The following TOMM20 variants were observed in gnomAD, a reference collection of about 807,000 sequenced individuals.
TOMM20 encodes translocase of outer mitochondrial membrane 20.
Under a neutral mutation model 22.1 loss-of-function variants are expected in TOMM20, and 10 were observed. That is an observed-to-expected ratio of 0.45 (90% CI 0.28 to 0.77). The LOEUF is 0.77. TOMM20 is among the 30% of genes least tolerant of loss of function. The pLI, the probability that TOMM20 is intolerant of heterozygous loss-of-function variation, is 0.13. For synonymous variants in TOMM20, 55 were observed against 61.4 expected (o/e 0.90, Z 0.49); for missense variants, 121 against 172.2 (o/e 0.70, Z 1.66).
At position 235,128,634 on chromosome 1, in the gene TOMM20, T is replaced by C; in HGVS notation, c.82A>G (p.Arg28Gly). 6.2e-7 allele frequency: 1 copy of C among 1,613,672 alleles called. No homozygotes were observed. Among genetic ancestry groups the C allele is most frequent in the Non-Finnish European group, 8.5e-7 (1 of 1,179,952 alleles). ...TTCTTGAAGTTGGGGTCACTTCGTC[T>C]TTTGCGGTCGAAGTAGATGCAGTAC... The part of the protein sequence containing the change: ...IGYCIYFDRK[R>G]RSDPNFKNRL... The change falls in exon 1 of 5, where the codon AGA (arginine) becomes GGA (glycine). Residue 28 changes from arginine to glycine, a missense_variant. Transcript: ENST00000366607.
At position 235,113,998 on chromosome 1, in the gene TOMM20, G is replaced by A. The variant is rs1403601522; in HGVS notation, c.251-88C>T. 4.3e-6 allele frequency: 6 copies of A among 1,404,388 alleles called. No homozygotes were observed. The East Asian group carries it at 7.1e-5, about 17-fold the overall frequency. 87.0% of individuals were successfully genotyped at this position (1,404,388 alleles called of 1,614,324 possible). ...TTACACACTATCTCCAAATGATGCT[G>A]ACCAAAAACACTAAGCAAGTAAAAT... On this transcript the variant is annotated intron_variant, in intron 3 of 4. Transcript: ENST00000366607.
chr1:235,113,062 T>C (rs1660765786), intron 4 of TOMM20, among the ~76,000 whole-genome samples: 2 of 152,154 alleles, frequency 1.3e-5, no homozygotes, highest in African/African-American at 4.8e-5. Context: ...ATACTTCCTA[T>C]CATCATTCAC....
intron 1 of TOMM20, among the ~76,000 whole-genome samples, chr1:235,126,579 C>G (rs1279585662): frequency 1.3e-5 from 2 of 151,936 alleles, no homozygotes; most frequent in African/African-American, 4.8e-5. Context: ...CTGAGACGGG[C>G]AGATCATGAA....
chr1:235,113,425 T>A (rs925755440), intron 4 of TOMM20, among the ~76,000 whole-genome samples: 1 of 152,126 alleles, frequency 6.6e-6, no homozygotes, highest in Non-Finnish European at 1.5e-5. Context: ...CTCTGTCAGA[T>A]CACCTAACTG....
chr1:235,124,561 T>A (rs898086269), intron 1 of TOMM20, among the ~76,000 whole-genome samples: 7 of 152,176 alleles, frequency 4.6e-5, no homozygotes, highest in African/African-American at 1.7e-4. Context: ...GAAATGAACA[T>A]GCCAAGTTTG....
chr1:235,113,119 G>T (rs1429439535), intron 4 of TOMM20, among the ~76,000 whole-genome samples: 1 of 152,134 alleles, frequency 6.6e-6, no homozygotes, highest in Non-Finnish European at 1.5e-5. Context: ...TAACAGACAC[G>T]CTATTCCAAA....
intron 3 of TOMM20, among the ~76,000 whole-genome samples, chr1:235,117,178 A>C (rs1660849323): frequency 7.2e-6 from 1 of 138,922 alleles, no homozygotes; most frequent in Non-Finnish European, 1.5e-5. Flanking sequence ...GTAAGAATAG[A>C]CCAGGTGCAG....
At chr1:235,123,518 T>C (rs950319734) in intron 1 of TOMM20, among the ~76,000 whole-genome samples, 6 of 152,068 alleles carry the variant, frequency 3.9e-5, no homozygotes, top group Admixed American at 3.9e-4. Context: ...AGACAGAAGG[T>C]TCATTTACTA....
rs778085081 is a variant in TOMM20, at chr1:235,113,840, C to T, written c.321G>A (p.Leu107=). 6.2e-7 allele frequency: 1 copy of T among 1,613,948 alleles called. No homozygotes were observed. The highest frequency in any genetic ancestry group is 8.5e-7 in the Non-Finnish European group (1 of 1,179,980). The stretch of plus-strand genomic sequence containing the variant: ...GTGGAAGAGTTTGCTGTAAGACCTG[C>T]AGTAACTGCTGTGGCTGTCCACACA... ...IAVCGQPQQL[L]QVLQQTLPPP... is the part of the protein sequence containing the mutation. The change falls in exon 4 of 5, where the codon CTG becomes CTA. Residue 107 remains leucine, a synonymous_variant. Coordinates refer to ENST00000366607, the MANE Select transcript of TOMM20 (RefSeq NM_014765.3).
Position 235,109,641 on chromosome 1 carries a change from A to C in TOMM20, c.*2423T>G, listed in dbSNP as rs1299058948. 6.6e-6 allele frequency: 1 copy of C among 152,224 alleles called. No homozygotes were observed. Among genetic ancestry groups the C allele is most frequent in the Non-Finnish European group, 1.5e-5 (1 of 68,036 alleles). The allele number at this position is 152,224 out of a possible 1,614,324, so 9.4% of individuals were successfully genotyped here. Reference sequence around the variant, plus strand: ...ACACACTTTACATAAACGTGAACCTAAGTTCTAGTTATCAGTTAACAGGCC... The same window carrying C: ...ACACACTTTACATAAACGTGAACCTCAGTTCTAGTTATCAGTTAACAGGCC... On this transcript the variant is annotated 3_prime_UTR_variant, in exon 5 of 5. Transcript: ENST00000366607.
At chr1:235,127,720 T>C (rs1661048786) in intron 1 of TOMM20, 1 of 371,442 alleles carries the variant, frequency 2.7e-6, no homozygotes, top group African/African-American at 2.1e-5. Context: ...TCTTCAATGA[T>C]GCGAATGAAG....
chr1:235,121,760 T>C (rs1660934624), intron 2 of TOMM20, among the ~76,000 whole-genome samples: 1 of 152,174 alleles, frequency 6.6e-6, no homozygotes, highest in Non-Finnish European at 1.5e-5. Context: ...CAGAACATTT[T>C]TTTACCAAGT....
chr1:235,125,853 G>C (rs766062730), intron 1 of TOMM20, among the ~76,000 whole-genome samples: 1 of 150,434 alleles, frequency 6.6e-6, no homozygotes, highest in Non-Finnish European at 1.5e-5. Flanking sequence ...AGGTTCAAGC[G>C]ATCTTCCTAC....
chr1:235,125,771 G>A (rs971086264), intron 1 of TOMM20, among the ~76,000 whole-genome samples: 2 of 146,968 alleles, frequency 1.4e-5, no homozygotes, highest in African/African-American at 2.5e-5. Flanking sequence ...ACCGAGTCTC[G>A]CTCTGTCCCC....
intron 3 of TOMM20, chr1:235,119,319 A>G (rs1660890903): frequency 6.6e-6 from 1 of 152,262 alleles, no homozygotes; most frequent in Middle Eastern, 3.2e-3. Flanking sequence ...TGGTTCTGAA[A>G]TAAGGGGTCA....
chr1:235,128,765 G>C lies in TOMM20; in HGVS notation c.-50C>G. The C allele has an allele frequency of 6.2e-7, 1 of 1,610,978 alleles. No homozygotes were observed. ...CGGTGGCGGCAGGGACCGCGAAGGAGCGGTGGGCCACGAACCCTCAGAGCG... is the reference window on the plus strand; with the variant it reads ...CGGTGGCGGCAGGGACCGCGAAGGACCGGTGGGCCACGAACCCTCAGAGCG... On this transcript the variant is annotated 5_prime_UTR_variant, in exon 1 of 5. Transcript: ENST00000366607.
chr1:235,125,199 C>T (rs926535037), intron 1 of TOMM20, among the ~76,000 whole-genome samples: 4 of 149,946 alleles, frequency 2.7e-5, no homozygotes, highest in Middle Eastern at 3.3e-3. Flanking sequence ...CAATATAAGG[C>T]TCTCTTCTTT....
chr1:235,114,229 T>G (rs1660789300), intron 3 of TOMM20, among the ~76,000 whole-genome samples: 1 of 152,150 alleles, frequency 6.6e-6, no homozygotes, highest in Middle Eastern at 3.2e-3. Flanking sequence ...CGCATAGTAC[T>G]TTTCTGTAAC....
intron 3 of TOMM20, among the ~76,000 whole-genome samples, chr1:235,115,231 C>T (rs529987645): frequency 1.8e-4 from 27 of 152,280 alleles, no homozygotes; most frequent in African/African-American, 6.5e-4. Flanking sequence ...TTGAGCAAAA[C>T]TATGCTATTA....
Sources: allele counts gnomAD v4.1 joint callset (sites outside exome capture counted in the v4.1 genomes callset), GRCh38; gene constraint gnomAD v4.1.1; transcripts MANE v1.5; gene names NCBI Gene and HGNC (gene_info 2026-07-23, HGNC 2026-07-21).